Variants in CEP89 observed in about 807,000 individuals in gnomAD.
CEP89 encodes the protein centrosomal protein 89, also known as centrosomal protein of 89 kDa.
In CEP89, 95 loss-of-function variants were observed where a neutral mutation model predicts 97.6. The ratio of observed to expected loss-of-function variants is 0.97; its 90% confidence interval spans 0.82 to 1.15. CEP89 has a LOEUF of 1.15. Among genes scored for constraint, CEP89 ranks in the 50% most tolerant of loss-of-function variants. The probability of loss-of-function intolerance (pLI) is 0.00; values close to 1 mark genes in which losing one functional copy is unlikely to be tolerated. For missense variants in CEP89, 869 were observed against 947.7 expected (o/e 0.92, Z 1.09); for synonymous variants, 354 against 349.1 (o/e 1.01, Z -0.16).
At chr19:32,948,146 A>C (rs1003025346) in intron 5 of CEP89, 120 bp downstream of exon 5, 2 of 558,064 alleles carry the variant, frequency 3.6e-6, no homozygotes, top group African/African-American at 3.7e-5. Context: ...TTATATTCCT[A>C]GTTAAAATCA....
intron 9 of CEP89, among the ~76,000 whole-genome samples, chr19:32,927,749 T>C (rs745694743): frequency 1.2e-4 from 18 of 151,746 alleles, no homozygotes; most frequent in Admixed American, 3.9e-4. Flanking sequence ...AGACTACAAG[T>C]GCATGCCACC....
chr19:32,932,363 G>A (rs1486757703), intron 8 of CEP89, among the ~76,000 whole-genome samples: 3 of 151,990 alleles, frequency 2.0e-5, no homozygotes, highest in Non-Finnish European at 4.4e-5. Context: ...TAAGAATTAT[G>A]CAGGGTCTAT....
intron 14 of CEP89, among the ~76,000 whole-genome samples, chr19:32,912,659 T>A (rs1970025855): frequency 6.6e-6 from 1 of 152,184 alleles, no homozygotes; most frequent in South Asian, 2.1e-4. Context: ...AAAGATATGT[T>A]CTATTAATAT....
chr19:32,948,742 T>G (rs140319453), intron 4 of CEP89, among the ~76,000 whole-genome samples: 2 of 152,132 alleles, frequency 1.3e-5, no homozygotes, highest in African/African-American at 2.4e-5. Context: ...CCCCTTTTTT[T>G]TGAGACAGGG....
chr19:32,952,569 T>C (rs1970943706), intron 4 of CEP89, among the ~76,000 whole-genome samples: 1 of 151,918 alleles, frequency 6.6e-6, no homozygotes, highest in African/African-American at 2.4e-5. Context: ...CTGGTCTATA[T>C]GTACAGACAC....
At chr19:32,935,211 C>T (rs972639963) in intron 7 of CEP89, among the ~76,000 whole-genome samples, 1 of 152,186 alleles carries the variant, frequency 6.6e-6, no homozygotes. Flanking sequence ...CCATCCCCAT[C>T]AGTTGCTGGA....
At chr19:32,963,135 C>G (rs35738433) in intron 2 of CEP89, among the ~76,000 whole-genome samples, 31,982 of 152,074 alleles carry the variant, frequency 0.21, 3,420 homozygotes, top group African/African-American at 0.25. Context: ...GCGGGTGGAT[C>G]ACTTAAGGTC....
At chr19:32,907,990 G>A (rs1355112203) in intron 14 of CEP89, among the ~76,000 whole-genome samples, 2 of 152,196 alleles carry the variant, frequency 1.3e-5, no homozygotes, top group Non-Finnish European at 2.9e-5. Context: ...GCAGTGTTCA[G>A]TACAGTAACA....
At chr19:32,952,612 A>G (rs1294182744) in intron 4 of CEP89, among the ~76,000 whole-genome samples, 2 of 152,140 alleles carry the variant, frequency 1.3e-5, no homozygotes, top group Non-Finnish European at 2.9e-5. Flanking sequence ...TGGTGAAAAA[A>G]AGAAAAAGGG....
intron 3 of CEP89, among the ~76,000 whole-genome samples, chr19:32,956,627 A>G (rs1971055189): frequency 1.3e-5 from 2 of 152,078 alleles, no homozygotes; most frequent in South Asian, 4.1e-4. Flanking sequence ...TCAGCCTCTC[A>G]AAGTGCTGGG....
At chr19:32,906,497 C>A (rs373608939) in intron 14 of CEP89, among the ~76,000 whole-genome samples, 1 of 151,994 alleles carries the variant, frequency 6.6e-6, no homozygotes, top group East Asian at 1.9e-4. Flanking sequence ...TTTATGTATT[C>A]TTAAATCCCC....
chr19:32,901,469 A>C (rs2083955553), intron 14 of CEP89, 57 bp from the exon 15 acceptor site: 1 of 1,554,168 alleles, frequency 6.4e-7, no homozygotes, highest in Non-Finnish European at 8.7e-7. Flanking sequence ...AAAATGGGGC[A>C]GTCACATAAC....
At chr19:32,890,437 A>G (rs1025686235) in intron 16 of CEP89, among the ~76,000 whole-genome samples, 3 of 152,150 alleles carry the variant, frequency 2.0e-5, no homozygotes, top group African/African-American at 7.2e-5. Flanking sequence ...ACCTGTTTTC[A>G]GGAGGAAGGC....
At chr19:32,890,606 A>T (rs550982756) in intron 16 of CEP89, among the ~76,000 whole-genome samples, 1 of 152,258 alleles carries the variant, frequency 6.6e-6, no homozygotes, top group South Asian at 2.1e-4. Context: ...GGGAGACGAC[A>T]GCCCAGACAG....
At chr19:32,933,383 T>C in intron 8 of CEP89, 68 bp downstream of exon 8, 1 of 1,133,304 alleles carries the variant, frequency 8.8e-7, no homozygotes, top group Non-Finnish European at 1.3e-6. Flanking sequence ...ACATAAAATA[T>C]TAACTCTCAA....
chr19:32,968,737 C>G (rs1971336897), intron 1 of CEP89, among the ~76,000 whole-genome samples: 1 of 152,144 alleles, frequency 6.6e-6, no homozygotes, highest in Non-Finnish European at 1.5e-5. Context: ...GCACCACTCT[C>G]TCAACGGCAG....
chr19:32,959,380 A>G (rs1380488808), intron 3 of CEP89, among the ~76,000 whole-genome samples: 1 of 152,252 alleles, frequency 6.6e-6, no homozygotes, highest in African/African-American at 2.4e-5. Context: ...TTTCTTCCTC[A>G]GGAGGAAACC....
chr19:32,904,324 C>T (rs546839416), intron 14 of CEP89, among the ~76,000 whole-genome samples: 15 of 152,222 alleles, frequency 9.9e-5, no homozygotes, highest in Admixed American at 4.6e-4. Flanking sequence ...TCATAAACGA[C>T]GCAAGCCAAA....
intron 18 of CEP89, among the ~76,000 whole-genome samples, chr19:32,881,155 G>A (rs116683768): frequency 2.6e-5 from 4 of 152,152 alleles, no homozygotes; most frequent in African/African-American, 7.2e-5. Context: ...GTTTAAAAAA[G>A]TTGGGCACAG....
Sources: gnomAD v4.1 joint callset for allele counts (sites outside exome capture counted in the v4.1 genomes callset) on GRCh38, gnomAD v4.1.1 for gene constraint, MANE v1.5 for transcripts, NCBI Gene and HGNC (gene_info 2026-07-23, HGNC 2026-07-21) for gene names.